Variants in ADARB2 observed in about 807,000 individuals in gnomAD.
ADARB2 encodes adenosine deaminase RNA specific B2 (inactive), also known as inactive double-stranded RNA-specific editase B2.
Under a neutral mutation model 62.2 loss-of-function variants are expected in ADARB2, and 25 were observed. The ratio of observed to expected loss-of-function variants is 0.40; its 90% confidence interval spans 0.29 to 0.56. ADARB2 has a LOEUF of 0.56. ADARB2 is among the 20% of genes least tolerant of loss of function. The pLI is 0.43. For missense variants in ADARB2, 1,071 were observed against 1,077.4 expected (o/e 0.99, Z 0.08); for synonymous variants, 572 against 500.8 (o/e 1.14, Z -1.90).
rs1233462583 is a variant in ADARB2 at position 1,180,941 on chromosome 10, C to CA, written c.*2251dup. 1 of 152,240 alleles carries CA rather than the reference C, an allele frequency of 6.6e-6. No homozygotes were observed. Among genetic ancestry groups the CA allele is most frequent in the Non-Finnish European group, 1.5e-5 (1 of 68,052 alleles). 9.4% of individuals were successfully genotyped at this position (152,240 alleles called of 1,614,324 possible). A position where few individuals can be genotyped will look rare whatever the true frequency, so the allele number is the denominator to read the frequency against. On this transcript the variant is annotated 3_prime_UTR_variant, in exon 10 of 10. Transcript: ENST00000381312. Reference sequence around the variant, plus strand: ...GTTTCTGGAAGGTCAATGCCTGAGACAAAACGAATCCCAACCCCCCAGCTG... The same window carrying CA: ...GTTTCTGGAAGGTCAATGCCTGAGACAAAAACGAATCCCAACCCCCCAGCTG...
Position 1,719,767 on chromosome 10 carries a change from A to T in ADARB2, c.100+17284T>A, listed in dbSNP as rs372709949. Among the ~76,000 whole-genome samples, 9 of 152,374 alleles carry T rather than the reference A, an allele frequency of 5.9e-5. No individual in the cohort carries two copies. The South Asian group carries it at 1.9e-3, about 32-fold the overall frequency. The stretch of plus-strand genomic sequence containing the variant: ...AACACGTTCTCTAAAGAAGACAAAC[A>T]TGCGATCCACAAGCATGTGAAAAAC... On this transcript the variant is annotated intron_variant, in intron 1 of 9. Transcript: ENST00000381312.
intron 1 of ADARB2, among the ~76,000 whole-genome samples, chr10:1,697,837 A>G (rs1834766351): frequency 1.3e-5 from 2 of 152,186 alleles, no homozygotes; most frequent in South Asian, 4.1e-4. Context: ...ACTCCCTGCA[A>G]CTTCTCTTTC....
chr10:1,589,331 G>A (rs907651328), intron 1 of ADARB2, among the ~76,000 whole-genome samples: 1 of 152,082 alleles, frequency 6.6e-6, no homozygotes, highest in Non-Finnish European at 1.5e-5. Context: ...ATCCATGGTC[G>A]GGGCATCCAC....
chr10:1,652,818 AC>A (rs1292307190), intron 1 of ADARB2, among the ~76,000 whole-genome samples: 1 of 151,404 alleles, frequency 6.6e-6, no homozygotes, highest in African/African-American at 2.4e-5. Context: ...CCCTCTTATC[AC>A]CCCCCAAGAC....
chr10:1,340,772 G>A (rs113078732), intron 3 of ADARB2, among the ~76,000 whole-genome samples: 1,598 of 38,340 alleles, frequency 0.042, no homozygotes, highest in African/African-American at 0.084. Flanking sequence ...CCACAGCGGC[G>A]ATAACCAGCA....
chr10:1,351,803 C>T (rs1421421391), intron 3 of ADARB2, among the ~76,000 whole-genome samples: 1 of 151,882 alleles, frequency 6.6e-6, no homozygotes, highest in African/African-American at 2.4e-5. Flanking sequence ...AGCCTATAAC[C>T]TCCCCTTACA....
rs11250439 is a variant in ADARB2 at position 1,348,622 on chromosome 10, G to A, written c.1077+14406C>T. Among the ~76,000 whole-genome samples, 6 of 152,216 alleles carry A rather than the reference G, an allele frequency of 3.9e-5. No individual in the cohort carries two copies. The East Asian group carries it at 9.7e-4, about 25-fold the overall frequency. On this transcript the variant is annotated intron_variant, in intron 3 of 9. Coordinates refer to ENST00000381312, the MANE Select transcript of ADARB2 (RefSeq NM_018702.4). ...CTCCTCCTCCCACCCCCTCTGCTCT[G>A]TCTGCTGTCTGTTTCCAAGGGAACC...
intron 1 of ADARB2, among the ~76,000 whole-genome samples, chr10:1,403,293 G>A (rs996582653): frequency 2.0e-5 from 3 of 152,188 alleles, no homozygotes; most frequent in Non-Finnish European, 4.4e-5. Context: ...TATCTCAAGC[G>A]TCTTCTCTGG....
chr10:1,572,890 C>T (rs544969724), intron 1 of ADARB2, among the ~76,000 whole-genome samples: 2 of 152,340 alleles, frequency 1.3e-5, no homozygotes, highest in Admixed American at 1.3e-4. Flanking sequence ...CAGCGTTTCC[C>T]TGCTTGGCTC....
chr10:1,270,836 T>C, intron 4 of ADARB2, 119 bp downstream of exon 4: 1 of 833,572 alleles, frequency 1.2e-6, no homozygotes, highest in South Asian at 1.7e-5. Flanking sequence ...TAATATTTTG[T>C]CTTTCTTTGT....
intron 1 of ADARB2, among the ~76,000 whole-genome samples, chr10:1,686,849 CAATA>C (rs910751404): frequency 2.0e-5 from 3 of 152,076 alleles, no homozygotes; most frequent in African/African-American, 7.2e-5. Context: ...TCATTCCAAA[CAATA>C]AATATGTTGA....
Position 1,363,399 on chromosome 10 carries a change from G to C in ADARB2, c.706C>G (p.Leu236Val), listed in dbSNP as rs577247158. ...EFEPPAPRPG[L>V]AGGRPGDAAL... ...GCGTCCCCGGGGCGGCCTCCCGCGA[G>C]TCCGGGGCGCGGCGCCGGGGGCTCG... Residue 236 changes from leucine to valine, a missense_variant, in exon 3 of 10, where the codon CTC (leucine) becomes GTC (valine). Leu to Val is a conservative substitution (Grantham distance 32). Transcript: ENST00000381312. The C allele has an allele frequency of 7.4e-7, 1 of 1,352,420 alleles. No homozygotes were observed. The highest frequency in any genetic ancestry group is 1.9e-4 in the Middle Eastern group (1 of 5,138). The allele number at this position is 1,352,420 out of a possible 1,614,324, so 83.8% of individuals were successfully genotyped here.
At chr10:1,210,151 T>C (rs1837130133) in intron 7 of ADARB2, among the ~76,000 whole-genome samples, 1 of 152,238 alleles carries the variant, frequency 6.6e-6, no homozygotes, top group Non-Finnish European at 1.5e-5. Context: ...TTTGGATCTT[T>C]TGATACAAAA....
At chr10:1,245,848 T>C (rs1564234455) in intron 4 of ADARB2, among the ~76,000 whole-genome samples, 2 of 151,806 alleles carry the variant, frequency 1.3e-5, no homozygotes, top group Non-Finnish European at 2.9e-5. Context: ...CTTGGGTATA[T>C]ACCCAGTAAT....
At chr10:1,414,502 T>C (rs529402365) in intron 1 of ADARB2, among the ~76,000 whole-genome samples, 3 of 152,286 alleles carry the variant, frequency 2.0e-5, no homozygotes, top group Admixed American at 6.5e-5. Context: ...CCAGGATCGA[T>C]TATATCTTGA....
At chr10:1,420,855 T>G (rs946252027) in intron 1 of ADARB2, among the ~76,000 whole-genome samples, 1 of 152,176 alleles carries the variant, frequency 6.6e-6, no homozygotes, top group Admixed American at 6.5e-5. Flanking sequence ...TTGTAAGGCA[T>G]GCTTCCAAAG....
intron 1 of ADARB2, among the ~76,000 whole-genome samples, chr10:1,578,916 G>A (rs1833057792): frequency 6.6e-6 from 1 of 152,186 alleles, no homozygotes; most frequent in Non-Finnish European, 1.5e-5. Context: ...TGGTGAGGCT[G>A]GGCGCTGGGG....
rs190147158 is a variant in ADARB2 at position 1,208,912 on chromosome 10, C to T, written c.1682+8039G>A. 2.0e-3 allele frequency among the ~76,000 whole-genome samples: 298 copies of T among 152,278 alleles called. 2 individuals carry two copies. Among genetic ancestry groups the T allele is most frequent in the African/African-American group, 6.5e-3 (271 of 41,552 alleles). ...CCACAGCTTTCTCTGCTGGGGCGCC[C>T]GGAGCCTGATGAGTGGTCGGTGCTG... On this transcript the variant is annotated intron_variant, in intron 7 of 9. Transcript: ENST00000381312.
chr10:1,701,950 T>C (rs1002551359), intron 1 of ADARB2, among the ~76,000 whole-genome samples: 1 of 151,652 alleles, frequency 6.6e-6, no homozygotes, highest in Non-Finnish European at 1.5e-5. Context: ...TTCCATGGTA[T>C]AGAGGCGTGT....
Sources: gnomAD v4.1 joint callset for allele counts (sites outside exome capture counted in the v4.1 genomes callset) on GRCh38, gnomAD v4.1.1 for gene constraint, MANE v1.5 for transcripts, NCBI Gene and HGNC (gene_info 2026-07-23, HGNC 2026-07-21) for gene names.